Variants in ZNF652 observed in about 807,000 individuals in gnomAD.
ZNF652 encodes zinc finger protein 652.
ZNF652 carries 16 observed loss-of-function variants against 45.2 expected under a neutral mutation model. The ratio of observed to expected loss-of-function variants is 0.35; its 90% CI spans 0.24 to 0.54. The LOEUF is 0.54. ZNF652 is among the 20% of genes least tolerant of loss of function. The pLI, the probability that ZNF652 is intolerant of heterozygous loss-of-function variation, is 0.91. For missense variants in ZNF652, 614 were observed against 765.6 expected, an observed-to-expected ratio of 0.80 and a Z score of 2.34; for synonymous variants, 250 against 260.6, an observed-to-expected ratio of 0.96 and a Z score of 0.39.
intron 1 of ZNF652, among the ~76,000 whole-genome samples, chr17:49,334,269 C>G (rs184478980): frequency 6.6e-6 from 1 of 151,892 alleles, no homozygotes; most frequent in African/African-American, 2.4e-5. Context: ...TCACTTGAGC[C>G]CAGGAGTTTG....
intron 1 of ZNF652, among the ~76,000 whole-genome samples, chr17:49,361,446 T>A (rs990931142): frequency 6.6e-6 from 1 of 152,108 alleles, no homozygotes; most frequent in African/African-American, 2.4e-5. Flanking sequence ...ACGCATTTTA[T>A]CTACTGGCGG....
chr17:49,288,222 A>C (rs2069361801), downstream of ZNF652: 1 of 152,130 alleles, frequency 6.6e-6, no homozygotes, highest in Non-Finnish European at 1.5e-5. Context: ...GTCATGGTGA[A>C]AGTTTGAAAG....
chr17:49,312,919 G>A (rs866340341), intron 2 of ZNF652, 74 bp from the exon 3 acceptor site: 5 of 1,490,570 alleles, frequency 3.4e-6, no homozygotes, highest in Middle Eastern at 1.8e-4. Context: ...CAGACCAAAC[G>A]GATGTGCTTT....
intron 5 of ZNF652, among the ~76,000 whole-genome samples, chr17:49,307,873 T>G: frequency 6.6e-6 from 1 of 152,226 alleles, no homozygotes; most frequent in Non-Finnish European, 1.5e-5. Context: ...AAATTATAGC[T>G]AATATTATAG....
chr17:49,336,197 G>C (rs1185137134), intron 1 of ZNF652, among the ~76,000 whole-genome samples: 1 of 151,644 alleles, frequency 6.6e-6, no homozygotes. Flanking sequence ...GTTAATTTTT[G>C]TATTTTTAGT....
intron 1 of ZNF652, among the ~76,000 whole-genome samples, chr17:49,329,551 A>T (rs747039): frequency 6.6e-6 from 1 of 151,964 alleles, no homozygotes; most frequent in Non-Finnish European, 1.5e-5. Flanking sequence ...CATACATTTT[A>T]TATGGTCAAG....
chr17:49,324,184 T>C (rs1310465357), intron 1 of ZNF652, among the ~76,000 whole-genome samples: 3 of 152,234 alleles, frequency 2.0e-5, no homozygotes, highest in African/African-American at 7.2e-5. Flanking sequence ...GTTATGGAGA[T>C]AGCTTCTTTC....
At chr17:49,332,021 C>A (rs920576051) in intron 1 of ZNF652, among the ~76,000 whole-genome samples, 6 of 151,972 alleles carry the variant, frequency 3.9e-5, no homozygotes, top group Non-Finnish European at 8.8e-5. Context: ...TGGTGGCTCA[C>A]ACCTGTAATC....
At chr17:49,348,453 G>C (rs756369736) in intron 1 of ZNF652, among the ~76,000 whole-genome samples, 1 of 139,010 alleles carries the variant, frequency 7.2e-6, no homozygotes, top group Non-Finnish European at 1.5e-5. Flanking sequence ...GCCTCAGGCT[G>C]GGTGACAGAG....
At position 49,294,574 on chromosome 17, in the gene ZNF652, G is replaced by A. The variant is rs180770742; in HGVS notation, c.*3839C>T. ...AGCCTATCTGACTCAATTTGAGAAA[G>A]CAGCAGCCTTTATTAAGGCTAAGGA... is the stretch of plus-strand genomic sequence containing the variant. On this transcript the variant is annotated 3_prime_UTR_variant, in exon 6 of 6. Coordinates refer to ENST00000430262, the MANE Select transcript of ZNF652 (RefSeq NM_001145365.3). The A allele has an allele frequency of 6.6e-6, 1 of 152,256 alleles. No individual in the cohort carries two copies. The allele number at this position is 152,256 out of a possible 1,614,324, so 9.4% of individuals were successfully genotyped here.
intron 1 of ZNF652, among the ~76,000 whole-genome samples, chr17:49,353,006 C>G (rs2070298505): frequency 6.6e-6 from 1 of 152,082 alleles, no homozygotes; most frequent in Non-Finnish European, 1.5e-5. Context: ...AGGGAGTTAT[C>G]TGGAGTGATG....
In ZNF652 at chr17:49,294,504, T is replaced by C. The variant is rs1390026065; in HGVS notation, c.*3909A>G. On this transcript the variant is annotated 3_prime_UTR_variant, in exon 6 of 6. Transcript: ENST00000430262. ...GGAAATGAAGCCACATGCCTTTAAA[T>C]TGTTGTCTTTTCTTCATTCAAATTT... The C allele has an allele frequency of 6.6e-6, 1 of 152,204 alleles. No homozygotes were observed. Among genetic ancestry groups the C allele is most frequent in the African/African-American group, 2.4e-5 (1 of 41,450 alleles). 9.4% of individuals were successfully genotyped at this position (152,204 alleles called of 1,614,324 possible).
At position 49,289,355 on chromosome 17, in the gene ZNF652, A is replaced by T. The variant is rs1824613633; in HGVS notation, c.*9058T>A. 2 of 152,206 alleles carry T rather than the reference A, an allele frequency of 1.3e-5. No individual in the cohort carries two copies. The highest frequency in any genetic ancestry group is 6.5e-5 in the Admixed American group (1 of 15,280). The allele number at this position is 152,206 out of a possible 1,614,324, so 9.4% of individuals were successfully genotyped here. ...GAATAAAATATACAATGCTACATTG[A>T]GTGGTTAAAAATACACAAAAAAGTA... On this transcript the variant is annotated 3_prime_UTR_variant, in exon 6 of 6. Transcript: ENST00000430262.
intron 1 of ZNF652, among the ~76,000 whole-genome samples, chr17:49,321,859 T>A (rs1199695642): frequency 6.6e-6 from 1 of 152,168 alleles, no homozygotes; most frequent in Non-Finnish European, 1.5e-5. Context: ...AGTGGGAAAA[T>A]GGACTATTAC....
chr17:49,342,373 T>G (rs1386269641), intron 1 of ZNF652, among the ~76,000 whole-genome samples: 1 of 152,000 alleles, frequency 6.6e-6, no homozygotes, highest in Non-Finnish European at 1.5e-5. Flanking sequence ...AATTAAAACA[T>G]GACCACTTCA....
chr17:49,298,401 A>AGGAGACGGATGTTAATGATGCT lies in ZNF652; in HGVS notation c.1811_*11dup. 1 of 1,612,282 alleles carries AGGAGACGGATGTTAATGATGCT rather than the reference A, an allele frequency of 6.2e-7. No homozygotes were observed. The highest frequency in any genetic ancestry group is 1.1e-5 in the South Asian group (1 of 90,992). On this transcript the variant is annotated 3_prime_UTR_variant, in exon 6 of 6. Transcript: ENST00000430262. ...GACGTGTCTCCTGGAGAACACACTA[A>AGGAGACGGATGTTAATGATGCT]GGAGACGGATGTTAATGATGCTGTG...
intron 5 of ZNF652, 118 bp downstream of exon 5, chr17:49,311,194 G>C: frequency 9.4e-7 from 1 of 1,069,456 alleles, no homozygotes; most frequent in African/African-American, 1.6e-5. Flanking sequence ...TTTATTTAAA[G>C]TGGGATTTTT....
At position 49,298,546 on chromosome 17, in the gene ZNF652, G is replaced by A; in HGVS notation, c.1688C>T (p.Pro563Leu). The change falls in exon 6 of 6, where the codon CCC becomes CTC. Residue 563 changes from proline to leucine, a missense_variant. By Grantham distance (98) the Pro-to-Leu change is moderately conservative (BLOSUM62 -3). Coordinates refer to ENST00000430262, the MANE Select transcript of ZNF652 (RefSeq NM_001145365.3). ...HPHPHHPHHL[P>L]IPPVPHLPPP... ...CGGGAGGTGAGGGACTGGAGGGATG[G>A]GAAGGTGGTGTGGGTGGTGAGGGTG... 6.2e-7 allele frequency: 1 copy of A among 1,612,004 alleles called. No homozygotes were observed. The highest frequency in any genetic ancestry group is 8.5e-7 in the Non-Finnish European group (1 of 1,179,274).
At chr17:49,347,543 T>C (rs1244002622) in intron 1 of ZNF652, among the ~76,000 whole-genome samples, 2 of 151,912 alleles carry the variant, frequency 1.3e-5, no homozygotes, top group Non-Finnish European at 2.9e-5. Context: ...CCAGCCTGGG[T>C]GACAGAGCAA....
Sources: allele counts gnomAD v4.1 joint callset (sites outside exome capture counted in the v4.1 genomes callset), GRCh38; gene constraint gnomAD v4.1.1; transcripts MANE v1.5; gene names NCBI Gene and HGNC (gene_info 2026-07-23, HGNC 2026-07-21).